The following LARGE1 variants were observed in gnomAD, a reference collection of about 807,000 sequenced individuals.
LARGE1 encodes the protein LARGE xylosyl- and glucuronyltransferase 1, also known as xylosyl- and glucuronyltransferase LARGE1.
LARGE1 carries 43 observed loss-of-function variants against 87.6 expected under a neutral mutation model. The observed-to-expected ratio is 0.49, with a 90% CI of 0.38 to 0.63. The LOEUF (loss-of-function observed/expected upper bound fraction) is 0.63, where lower values mean the gene tolerates loss of function less well. Ranked by LOEUF, LARGE1 falls within the 30% of genes least tolerant of loss-of-function variation. LARGE1 has a pLI of 0.00. For missense variants in LARGE1, 802 were observed against 1,000.2 expected (o/e 0.80, Z 2.67); for synonymous variants, 434 against 394.6 (o/e 1.10, Z -1.18).
chr22:33,784,977 A>G (rs992711617), intron 1 of LARGE1, among the ~76,000 whole-genome samples: 3 of 151,264 alleles, frequency 2.0e-5, no homozygotes, highest in Admixed American at 2.0e-4. Context: ...ACATGTGTAT[A>G]CATACATATG....
rs1258938952 is a variant in LARGE1 at position 33,472,596 on chromosome 22, C to A, written c.788-40331G>T. Among the ~76,000 whole-genome samples the A allele has an allele frequency of 3.9e-5, 6 of 152,142 alleles. No homozygotes were observed. In the East Asian group the frequency reaches 1.2e-3, roughly 29 times the overall value. ...CTGCACTCTACAGGGAAATTCCACA[C>A]CACACACAATAGTCCCTTGCCTCTC... On this transcript the variant is annotated intron_variant, in intron 6 of 14. Coordinates refer to ENST00000397394, the MANE Select transcript of LARGE1 (RefSeq NM_133642.5).
At chr22:33,702,535 G>T (rs184829526) in intron 2 of LARGE1, among the ~76,000 whole-genome samples, 38 of 152,266 alleles carry the variant, frequency 2.5e-4, no homozygotes, top group Non-Finnish European at 3.2e-4. Flanking sequence ...TTAGACAGTC[G>T]AAGGGACAGG....
At chr22:33,813,600 A>G (rs2086565403) in intron 1 of LARGE1, among the ~76,000 whole-genome samples, 2 of 152,276 alleles carry the variant, frequency 1.3e-5, no homozygotes, top group East Asian at 3.9e-4. Context: ...AACAACATAC[A>G]GCTTCTGTTC....
At chr22:33,849,774 T>C (rs1270195382) in intron 1 of LARGE1, among the ~76,000 whole-genome samples, 1 of 152,020 alleles carries the variant, frequency 6.6e-6, no homozygotes, top group African/African-American at 2.4e-5. Context: ...AACTTTTTTG[T>C]ATTTTAACTA....
chr22:33,131,336 T>C, the LARGE1 span, among the ~76,000 whole-genome samples: 1 of 152,144 alleles, frequency 6.6e-6, no homozygotes, highest in Non-Finnish European at 1.5e-5. Context: ...GATTCTGTGT[T>C]TGACTGTTTT....
At chr22:33,754,360 G>A (rs371268015) in intron 2 of LARGE1, among the ~76,000 whole-genome samples, 35 of 149,586 alleles carry the variant, frequency 2.3e-4, no homozygotes, top group South Asian at 1.5e-3. Context: ...TTTTTGAGAC[G>A]GAGTCTTGCT....
intron 1 of LARGE1, among the ~76,000 whole-genome samples, chr22:33,853,568 C>T (rs1011102073): frequency 6.6e-6 from 1 of 152,200 alleles, no homozygotes; most frequent in Non-Finnish European, 1.5e-5. Flanking sequence ...CACCACACAC[C>T]AGTATGATGT....
chr22:33,842,935 AAACAAAAC>A (rs2063322372), intron 1 of LARGE1, among the ~76,000 whole-genome samples: 1 of 145,192 alleles, frequency 6.9e-6, no homozygotes, highest in Admixed American at 6.6e-5. Context: ...AAACAAAACA[AAACAAAAC>A]AAAACAAAAC....
intron 1 of LARGE1, among the ~76,000 whole-genome samples, chr22:33,778,001 T>C (rs1027790017): frequency 6.6e-6 from 1 of 152,132 alleles, no homozygotes; most frequent in African/African-American, 2.4e-5. Flanking sequence ...AACATCTCCT[T>C]TGCCCAGAAT....
downstream of LARGE1, among the ~76,000 whole-genome samples, chr22:33,271,252 AG>A (rs1255407358): frequency 1.3e-5 from 2 of 152,240 alleles, no homozygotes; most frequent in Non-Finnish European, 2.9e-5. Flanking sequence ...TTATTGGGAA[AG>A]GAAGTAGCAT....
intron 1 of LARGE1, among the ~76,000 whole-genome samples, chr22:33,918,734 G>C (rs1263316201): frequency 6.6e-6 from 1 of 152,172 alleles, no homozygotes. Flanking sequence ...GAGGTGGGAA[G>C]ACAGGAGAAG....
chr22:33,375,730 T>A (rs767047225), intron 9 of LARGE1, among the ~76,000 whole-genome samples: 4 of 152,142 alleles, frequency 2.6e-5, no homozygotes, highest in Non-Finnish European at 4.4e-5. Flanking sequence ...AAGAAATTTT[T>A]ATTTTTATTT....
rs35976426 is a variant in LARGE1 at position 33,441,071 on chromosome 22, C to CTTTTTTTTTTTTTT, written c.788-8820_788-8807dup. On this transcript the variant is annotated intron_variant, in intron 6 of 14. Coordinates refer to ENST00000397394, the MANE Select transcript of LARGE1 (RefSeq NM_133642.5). ...CTCAGCTGCTGCTATTTTGTTTGAA[C>CTTTTTTTTTTTTTT]TTTTTTTTTTTTTTTTTTTTGAGAG... Among the ~76,000 whole-genome samples the CTTTTTTTTTTTTTT allele has an allele frequency of 3.6e-3, 358 of 98,468 alleles. 18 individuals are homozygous for CTTTTTTTTTTTTTT. Among genetic ancestry groups the CTTTTTTTTTTTTTT allele is most frequent in the African/African-American group, 0.012 (241 of 20,362 alleles). 64.6% of individuals were successfully genotyped at this position (98,468 alleles called of 152,430 possible).
At chr22:33,102,374 T>C in the LARGE1 span, among the ~76,000 whole-genome samples, 5 of 152,036 alleles carry the variant, frequency 3.3e-5, no homozygotes, top group Non-Finnish European at 7.4e-5. Flanking sequence ...GGTTTCACCA[T>C]GTTGGCTAGG....
the LARGE1 span, among the ~76,000 whole-genome samples, chr22:33,090,218 C>A: frequency 2.0e-5 from 3 of 152,094 alleles, no homozygotes; most frequent in East Asian, 3.9e-4. Context: ...AACTAACTAA[C>A]TAAATAAATA....
chr22:33,101,188 T>A, the LARGE1 span, among the ~76,000 whole-genome samples: 1 of 152,152 alleles, frequency 6.6e-6, no homozygotes, highest in Non-Finnish European at 1.5e-5. Flanking sequence ...TATTTTGCCA[T>A]TGGAGGTAGA....
At chr22:33,337,541 C>T in intron 10 of LARGE1, 105 bp downstream of exon 10, 2 of 1,392,112 alleles carry the variant, frequency 1.4e-6, no homozygotes. Context: ...GTTGTGTTCA[C>T]CTAGGTCCTG....
chr22:33,709,781 A>C (rs907675423), intron 2 of LARGE1, among the ~76,000 whole-genome samples: 2 of 151,794 alleles, frequency 1.3e-5, no homozygotes, highest in Admixed American at 6.6e-5. Context: ...ATGCGCCACC[A>C]AGCCCAGCTA....
chr22:33,901,662 T>C (rs1180338733), intron 1 of LARGE1, among the ~76,000 whole-genome samples: 5 of 152,142 alleles, frequency 3.3e-5, no homozygotes, highest in Non-Finnish European at 5.9e-5. Context: ...CAGAGTGAGA[T>C]AGCATCTCTA....
Sources: gnomAD v4.1 joint callset for allele counts (sites outside exome capture counted in the v4.1 genomes callset) on GRCh38, gnomAD v4.1.1 for gene constraint, MANE v1.5 for transcripts, NCBI Gene and HGNC (gene_info 2026-07-23, HGNC 2026-07-21) for gene names.